TRAPPC9: variants seen among roughly 807,000 people sequenced by gnomAD.
TRAPPC9 encodes the protein trafficking protein particle complex subunit 9.
In TRAPPC9, 83 loss-of-function variants were observed where a neutral mutation model predicts 124.0. That is an observed-to-expected ratio of 0.67 (90% CI 0.56 to 0.80). The LOEUF (loss-of-function observed/expected upper bound fraction) is 0.80. TRAPPC9 is among the 30% of genes least tolerant of loss of function. TRAPPC9 has a pLI of 0.00. For missense variants in TRAPPC9, 1,302 were observed against 1,508.3 expected (o/e 0.86, Z 2.27); for synonymous variants, 638 against 617.5 (o/e 1.03, Z -0.49).
chr8:140,166,534 A>G (rs2061840655), intron 17 of TRAPPC9, among the ~76,000 whole-genome samples: 1 of 152,202 alleles, frequency 6.6e-6, no homozygotes, highest in Non-Finnish European at 1.5e-5. Context: ...AATATGGTTA[A>G]AGAAGGGAGG....
intron 21 of TRAPPC9, among the ~76,000 whole-genome samples, chr8:139,844,248 T>C (rs555801230): frequency 1.8e-4 from 27 of 152,338 alleles, no homozygotes; most frequent in Non-Finnish European, 3.4e-4. Context: ...CAGCTTCACC[T>C]TCCTATGTGA....
intron 7 of TRAPPC9, among the ~76,000 whole-genome samples, chr8:140,382,327 G>A (rs999380540): frequency 7.9e-5 from 12 of 152,222 alleles, no homozygotes; most frequent in African/African-American, 1.9e-4. Flanking sequence ...AGCATGGGCC[G>A]AAGCAGGATG....
intron 20 of TRAPPC9, among the ~76,000 whole-genome samples, chr8:139,902,687 G>C (rs571273519): frequency 6.6e-6 from 1 of 152,272 alleles, no homozygotes; most frequent in South Asian, 2.1e-4. Flanking sequence ...TTTTTCAGGA[G>C]ATAAGACAGA....
chr8:139,869,317 G>C (rs186489948), intron 21 of TRAPPC9, among the ~76,000 whole-genome samples: 13 of 152,218 alleles, frequency 8.5e-5, no homozygotes, highest in African/African-American at 2.9e-4. Context: ...GATGAAATAA[G>C]GGCAAAAAAC....
chr8:139,897,653 A>C (rs1393126468), intron 20 of TRAPPC9, among the ~76,000 whole-genome samples: 1 of 152,152 alleles, frequency 6.6e-6, no homozygotes, highest in Admixed American at 6.5e-5. Context: ...CTCCTTGGGG[A>C]TGTTAGGTAA....
chr8:139,893,684 C>T (rs557656503), intron 20 of TRAPPC9, among the ~76,000 whole-genome samples: 1 of 152,328 alleles, frequency 6.6e-6, no homozygotes, highest in Non-Finnish European at 1.5e-5. Flanking sequence ...CAGCAGTGCA[C>T]CCACAACTCA....
At chr8:140,340,268 A>G (rs1262351627) in intron 9 of TRAPPC9, among the ~76,000 whole-genome samples, 1 of 152,236 alleles carries the variant, frequency 6.6e-6, no homozygotes, top group Non-Finnish European at 1.5e-5. Context: ...TTTGGGTAAC[A>G]ATCACCTGCA....
In TRAPPC9 at chr8:139,790,573, G is replaced by A. The variant is rs142568673; in HGVS notation, c.3056-58371C>T. Among the ~76,000 whole-genome samples the A allele has an allele frequency of 7.2e-3, 1,099 of 152,316 alleles. 5 individuals are homozygous for A. Among genetic ancestry groups the A allele is most frequent in the Non-Finnish European group, 0.012 (839 of 68,024 alleles). On this transcript the variant is annotated intron_variant, in intron 21 of 22. Coordinates refer to ENST00000438773, the MANE Select transcript of TRAPPC9 (RefSeq NM_001160372.4). ...TCCTGCCCCTGGGGAGACACTTGGC[G>A]GAGCCTGGAGACATTGCTGGTTGTC... is the stretch of plus-strand genomic sequence containing the variant.
intron 17 of TRAPPC9, among the ~76,000 whole-genome samples, chr8:140,218,017 C>CA (rs34589290): frequency 6.7e-4 from 94 of 139,480 alleles, no homozygotes; most frequent in South Asian, 1.9e-3. Context: ...ACTCTGTCTC[C>CA]AAAAAAAAAA....
intron 19 of TRAPPC9, among the ~76,000 whole-genome samples, chr8:139,964,244 A>AAT (rs59677763): frequency 0.28 from 38,498 of 137,868 alleles, 7,182 homozygotes; most frequent in Non-Finnish European, 0.39. Flanking sequence ...AAAAAAAAAA[A>AAT]AGCGGGGGAG....
rs139793605 is a variant in TRAPPC9 at position 140,051,146 on chromosome 8, A to C, written c.2557-27067T>G. On this transcript the variant is annotated intron_variant, in intron 17 of 22. Transcript: ENST00000438773. ...GACCACCAGATGTTAGCAAGAGAGA[A>C]GTGCCTTCATTCCTGCACACTCCTC... Among the ~76,000 whole-genome samples the C allele has an allele frequency of 1.3e-3, 205 of 152,354 alleles. 2 individuals carry two copies. The highest frequency in any genetic ancestry group is 4.8e-3 in the African/African-American group (199 of 41,582).
At chr8:140,195,408 G>T (rs1312811889) in intron 17 of TRAPPC9, among the ~76,000 whole-genome samples, 1 of 151,862 alleles carries the variant, frequency 6.6e-6, no homozygotes, top group Non-Finnish European at 1.5e-5. Flanking sequence ...CCATTGTACA[G>T]ATCGCATCTG....
At chr8:140,311,430 G>A in intron 9 of TRAPPC9, 56 bp from the exon 10 acceptor site, 1 of 1,601,076 alleles carries the variant, frequency 6.2e-7, no homozygotes, top group African/African-American at 1.3e-5. Flanking sequence ...CAAAGTGGCT[G>A]GCTTTCATTT....
intron 17 of TRAPPC9, among the ~76,000 whole-genome samples, chr8:140,084,343 G>C (rs1844047045): frequency 6.6e-6 from 1 of 152,080 alleles, no homozygotes. Context: ...AATATTATTA[G>C]TCTCCTCACT....
At chr8:140,272,423 G>GTGA (rs1563904691) in intron 15 of TRAPPC9, among the ~76,000 whole-genome samples, 2 of 146,580 alleles carry the variant, frequency 1.4e-5, no homozygotes, top group African/African-American at 5.2e-5. Context: ...GATGGTGATG[G>GTGA]TGGTGATGGT....
intron 21 of TRAPPC9, among the ~76,000 whole-genome samples, chr8:139,734,516 G>T (rs950117982): frequency 6.6e-6 from 1 of 152,222 alleles, no homozygotes; most frequent in Non-Finnish European, 1.5e-5. Flanking sequence ...TGGCACAAGA[G>T]AAATAAACAT....
intron 18 of TRAPPC9, among the ~76,000 whole-genome samples, chr8:140,018,252 A>G (rs1230960787): frequency 1.3e-5 from 2 of 150,918 alleles, no homozygotes; most frequent in African/African-American, 4.9e-5. Context: ...TATTATTTTG[A>G]TTCTACTGCA....
At chr8:140,112,910 A>G (rs1412710889) in intron 17 of TRAPPC9, among the ~76,000 whole-genome samples, 2 of 148,806 alleles carry the variant, frequency 1.3e-5, no homozygotes, top group Non-Finnish European at 3.0e-5. Flanking sequence ...GCGCAAACTC[A>G]GGTCACTGCA....
intron 17 of TRAPPC9, among the ~76,000 whole-genome samples, chr8:140,174,098 A>C (rs1563817963): frequency 6.6e-6 from 1 of 152,168 alleles, no homozygotes; most frequent in Non-Finnish European, 1.5e-5. Context: ...AGAAGGAAAA[A>C]TGTTTAGCTT....
Sources: gnomAD v4.1 joint callset for allele counts (sites outside exome capture counted in the v4.1 genomes callset) on GRCh38, gnomAD v4.1.1 for gene constraint, MANE v1.5 for transcripts, NCBI Gene and HGNC (gene_info 2026-07-23, HGNC 2026-07-21) for gene names.